TTI1: variants seen among roughly 807,000 people sequenced by gnomAD.
TTI1 encodes TELO2 interacting protein 1, also known as TELO2-interacting protein 1 homolog.
A neutral mutation model predicts 85.4 loss-of-function variants in TTI1; 52 were observed. The observed-to-expected ratio is 0.61, with a 90% CI of 0.49 to 0.77. The LOEUF is 0.77. TTI1 is among the 30% of genes least tolerant of loss of function. The pLI is 0.00. For synonymous variants in TTI1, 512 were observed against 503.9 expected (o/e 1.02, Z -0.22); for missense variants, 1,173 against 1,296.0 (o/e 0.91, Z 1.46).
chr20:37,997,053 G>C (rs775305210), intron 5 of TTI1, 100 bp from the exon 6 acceptor site: 3 of 1,296,916 alleles, frequency 2.3e-6, no homozygotes, highest in African/African-American at 3.0e-5. Context: ...CTCTGCTTGG[G>C]GGAAAAAAAA....
At chr20:38,032,441 A>T (rs2122669246) in intron 1 of TTI1, among the ~76,000 whole-genome samples, 1 of 152,348 alleles carries the variant, frequency 6.6e-6, no homozygotes, top group South Asian at 2.1e-4. Flanking sequence ...CACGATCAGG[A>T]AATTTTAAAA....
intron 7 of TTI1, 75 bp from the exon 8 acceptor site, chr20:37,983,714 G>A (rs778876762): frequency 8.5e-5 from 112 of 1,311,102 alleles, no homozygotes; most frequent in Non-Finnish European, 1.1e-4. Context: ...CCAACCAGGA[G>A]GCTGTTTACC....
At chr20:37,996,503 T>C (rs747245849) in intron 6 of TTI1, 41 bp from the exon 7 acceptor site, 1 of 1,605,832 alleles carries the variant, frequency 6.2e-7, no homozygotes, top group Non-Finnish European at 8.5e-7. Context: ...GCCCTTACAC[T>C]TCATTTGGGA....
At chr20:37,993,889 G>C (rs754833185) in intron 7 of TTI1, among the ~76,000 whole-genome samples, 5 of 152,214 alleles carry the variant, frequency 3.3e-5, no homozygotes, top group Admixed American at 6.5e-5. Context: ...AATACCTAGA[G>C]GGGCAGGACT....
chr20:38,026,820 A>C (rs1010883363), intron 1 of TTI1, among the ~76,000 whole-genome samples: 2 of 152,252 alleles, frequency 1.3e-5, no homozygotes, highest in Non-Finnish European at 2.9e-5. Flanking sequence ...TGACAGTTGA[A>C]GCAAAAATTG....
At chr20:37,988,353 A>G (rs930199975) in intron 7 of TTI1, among the ~76,000 whole-genome samples, 20 of 152,172 alleles carry the variant, frequency 1.3e-4, no homozygotes, top group Admixed American at 2.0e-4. Flanking sequence ...ACCCCACAAT[A>G]TGGCAAAACC....
intron 1 of TTI1, among the ~76,000 whole-genome samples, chr20:38,021,257 T>C (rs2073767727): frequency 6.6e-6 from 1 of 151,972 alleles, no homozygotes; most frequent in African/African-American, 2.4e-5. Flanking sequence ...CATTGCTACT[T>C]TGGCATAACA....
intron 1 of TTI1, among the ~76,000 whole-genome samples, chr20:38,026,816 T>C (rs1218089377): frequency 6.6e-6 from 1 of 152,212 alleles, no homozygotes; most frequent in Non-Finnish European, 1.5e-5. Flanking sequence ...TGTTTGACAG[T>C]TGAAGCAAAA....
At chr20:38,027,176 A>C (rs1169007482) in intron 1 of TTI1, among the ~76,000 whole-genome samples, 1 of 152,212 alleles carries the variant, frequency 6.6e-6, no homozygotes, top group Non-Finnish European at 1.5e-5. Flanking sequence ...TGGTTCCAAG[A>C]CTTCCATGGA....
intron 2 of TTI1, among the ~76,000 whole-genome samples, chr20:38,009,342 A>C (rs879791014): frequency 1.3e-5 from 2 of 152,070 alleles, no homozygotes; most frequent in Admixed American, 1.3e-4. Context: ...AAGTAGCTGC[A>C]AAATAAAATC....
In TTI1 at chr20:38,012,003, G is replaced by A; in HGVS notation, c.1814C>T (p.Thr605Ile). The change falls in exon 2 of 8, where the codon ACA becomes ATA. Residue 605 changes from threonine to isoleucine, a missense_variant. Physicochemically the swap from Thr to Ile is moderately conservative, Grantham distance 89 (BLOSUM62 -1). Coordinates refer to ENST00000373447, the MANE Select transcript of TTI1 (RefSeq NM_001303457.2). ...ITSGEHTCQV[T>I]SFLAFSKPSP... is the part of the protein sequence containing the mutation. ...TGGCTTTGAGAAGGCTAGAAAAGATGTAACTTGGCAGGTGTGTTCACCAGA... is the reference window on the plus strand; with the variant it reads ...TGGCTTTGAGAAGGCTAGAAAAGATATAACTTGGCAGGTGTGTTCACCAGA... 6.2e-7 allele frequency: 1 copy of A among 1,614,246 alleles called. No homozygotes were observed. Among genetic ancestry groups the A allele is most frequent in the Non-Finnish European group, 8.5e-7 (1 of 1,180,048 alleles).
chr20:37,999,984 C>G (rs958671931), intron 4 of TTI1, among the ~76,000 whole-genome samples: 2 of 152,136 alleles, frequency 1.3e-5, no homozygotes, highest in Non-Finnish European at 2.9e-5. Flanking sequence ...GGAGAAGAGA[C>G]TTGAAGGGTG....
chr20:38,006,523 C>T, intron 2 of TTI1, 126 bp from the exon 3 acceptor site: 1 of 1,016,328 alleles, frequency 9.8e-7, no homozygotes, highest in Non-Finnish European at 1.4e-6. Flanking sequence ...GCCTGGCTCC[C>T]CGGCCTCCCA....
intron 7 of TTI1, chr20:37,987,010 T>C (rs2073198649): frequency 2.7e-6 from 1 of 368,720 alleles, no homozygotes; most frequent in South Asian, 2.0e-5. Context: ...GGGGAGCAAA[T>C]GCCATGCCAT....
intron 1 of TTI1, among the ~76,000 whole-genome samples, chr20:38,017,610 C>T (rs1054843982): frequency 6.6e-6 from 1 of 152,168 alleles, no homozygotes. Flanking sequence ...AAATACCCAA[C>T]TTCTGGAAGA....
At chr20:37,987,458 A>T (rs1436351592) in intron 7 of TTI1, 2 of 411,680 alleles carry the variant, frequency 4.9e-6, no homozygotes, top group African/African-American at 2.1e-5. Flanking sequence ...AACACTTTTT[A>T]AAAAATATAT....
intron 1 of TTI1, among the ~76,000 whole-genome samples, chr20:38,022,242 C>A (rs1600652426): frequency 6.6e-6 from 1 of 152,340 alleles, no homozygotes; most frequent in Middle Eastern, 3.4e-3. Flanking sequence ...TCAGGGCTCG[C>A]TCCTTTACCA....
chr20:37,997,569 T>C (rs1253089254), intron 5 of TTI1, among the ~76,000 whole-genome samples: 1 of 152,032 alleles, frequency 6.6e-6, no homozygotes, highest in African/African-American at 2.4e-5. Context: ...TGTTTTAAAC[T>C]TTCTCTAGCA....
At chr20:38,028,729 G>A (rs889453315) in intron 1 of TTI1, among the ~76,000 whole-genome samples, 2 of 152,068 alleles carry the variant, frequency 1.3e-5, no homozygotes, top group African/African-American at 4.8e-5. Flanking sequence ...TGTTTTTTTA[G>A]ACAGGATCTC....
Sources: gnomAD v4.1 joint callset for allele counts (sites outside exome capture counted in the v4.1 genomes callset) on GRCh38, gnomAD v4.1.1 for gene constraint, MANE v1.5 for transcripts, NCBI Gene and HGNC (gene_info 2026-07-23, HGNC 2026-07-21) for gene names.